Variants in ANKS6 observed in about 807,000 individuals in gnomAD.
The protein encoded by ANKS6 is ankyrin repeat and sterile alpha motif domain containing 6.
A neutral mutation model predicts 77.9 loss-of-function variants in ANKS6; 47 were observed. That is an observed-to-expected ratio of 0.60 (90% confidence interval 0.48 to 0.77). The LOEUF is 0.77. ANKS6 is among the 30% of genes least tolerant of loss of function. The pLI is 0.00. For missense variants in ANKS6, 1,150 were observed against 1,159.1 expected (o/e 0.99, Z 0.11); for synonymous variants, 488 against 501.7 (o/e 0.97, Z 0.37).
chr9:98,761,883 A>G (rs369313792), intron 11 of ANKS6, among the ~76,000 whole-genome samples: 1 of 152,152 alleles, frequency 6.6e-6, no homozygotes, highest in Non-Finnish European at 1.5e-5. Context: ...TGACTATTAT[A>G]ATTTTTTGTA....
At chr9:98,782,742 C>T (rs930960428) in intron 4 of ANKS6, among the ~76,000 whole-genome samples, 169 bp from the exon 5 acceptor site, 2 of 152,076 alleles carry the variant, frequency 1.3e-5, no homozygotes, top group East Asian at 1.9e-4. Context: ...GCAGGTCAAG[C>T]GGGAACATGA....
intron 10 of ANKS6, among the ~76,000 whole-genome samples, chr9:98,770,595 A>G (rs1833564601): frequency 6.6e-6 from 1 of 152,132 alleles, no homozygotes; most frequent in African/African-American, 2.4e-5. Flanking sequence ...TCTAACCTTC[A>G]GAGATTTTAA....
Position 98,770,985 on chromosome 9 carries a change from G to A in ANKS6, c.1883C>T (p.Ser628Phe), listed in dbSNP as rs554990244. ...ATGAGGCGAGTGGTTGAAGTTTCCA[G>A]AATTGGCAGAAGAGGCTGGGCTTCT... is the stretch of plus-strand genomic sequence containing the variant. The part of the protein sequence containing the change: ...LPRSPASSAN[S>F]GNFNHSPHSS... Residue 628 changes from serine (S) to phenylalanine (F), a missense_variant, in exon 10 of 15, where the codon TCT becomes TTT. By Grantham distance (155) the Ser-to-Phe change is radical. Transcript: ENST00000353234. The A allele has an allele frequency of 1.2e-4, 187 of 1,597,830 alleles. 1 individual carries two copies. The South Asian group carries it at 2.0e-3, about 17-fold the overall frequency.
At position 98,756,526 on chromosome 9, in the gene ANKS6, G is replaced by A. The variant is rs767138587; in HGVS notation, c.2220C>T (p.Ser740=). Residue 740 remains serine, a synonymous_variant, in exon 12 of 15, where the codon TCC becomes TCT. Coordinates refer to ENST00000353234, the MANE Select transcript of ANKS6 (RefSeq NM_173551.5). ...SKSTSPTLTP[S]PSPKGHTAES... Reference sequence around the variant, plus strand: ...CTGCAGTGTGCCCTTTGGGTGAGGGGGAGGGCGTGAGGGTTGGAGAGGTGC... The same window carrying A: ...CTGCAGTGTGCCCTTTGGGTGAGGGAGAGGGCGTGAGGGTTGGAGAGGTGC... 126 of 1,606,660 alleles carry A rather than the reference G, an allele frequency of 7.8e-5. No individual in the cohort carries two copies. The highest frequency in any genetic ancestry group is 1.0e-4 in the Non-Finnish European group (121 of 1,177,086).
At chr9:98,762,700 A>C (rs1833081519) in intron 11 of ANKS6, among the ~76,000 whole-genome samples, 1 of 152,132 alleles carries the variant, frequency 6.6e-6, no homozygotes, top group African/African-American at 2.4e-5. Flanking sequence ...TATAATGGTG[A>C]ACCAGATTTG....
At position 98,768,204 on chromosome 9, in the gene ANKS6, T is replaced by C; in HGVS notation, c.2019A>G (p.Lys673=). The change falls in exon 11 of 15, where the codon AAA becomes AAG. Residue 673 remains lysine (K), a synonymous_variant. Coordinates refer to ENST00000353234, the MANE Select transcript of ANKS6 (RefSeq NM_173551.5). ...NVLSQIAAQR[K]KAAGLLEQKP... The stretch of plus-strand genomic sequence containing the variant: ...TCTGCTCCAATAATCCGGCTGCTTT[T>C]TTCCTCTGGGCAGCGATTTGGGACA... The C allele has an allele frequency of 1.2e-6, 2 of 1,614,164 alleles. No individual in the cohort carries two copies. Among genetic ancestry groups the C allele is most frequent in the Non-Finnish European group, 1.7e-6 (2 of 1,180,032 alleles).
chr9:98,790,143 C>A lies in ANKS6; in HGVS notation c.823G>T (p.Asp275Tyr), dbSNP rs940231102. The A allele has an allele frequency of 1.3e-6, 2 of 1,583,270 alleles. No homozygotes were observed. Among genetic ancestry groups the A allele is most frequent in the Non-Finnish European group, 1.7e-6 (2 of 1,157,224 alleles). Residue 275 changes from aspartate to tyrosine, a missense_variant, in exon 2 of 15, where the codon GAC (aspartate) becomes TAC (tyrosine). Transcript: ENST00000353234. ...ACGGTGGTCAGCGGGTCCAGGTAGT[C>A]TACAAGGTCCCTGTGCTTGCAGTCC... ...ALDCKHRDLV[D>Y]YLDPLTTVRP...
chr9:98,771,740 C>T (rs1320308083), intron 9 of ANKS6, among the ~76,000 whole-genome samples: 1 of 152,116 alleles, frequency 6.6e-6, no homozygotes, highest in Non-Finnish European at 1.5e-5. Context: ...CGGCTCCTCC[C>T]GGTCCTTGGC....
In ANKS6 at chr9:98,773,942, TG is replaced by T. The variant is rs1833776717; in HGVS notation, c.1755del (p.Met586Ter). 6.2e-7 allele frequency: 1 copy of T among 1,600,978 alleles called. No individual in the cohort carries two copies. Among genetic ancestry groups the T allele is most frequent in the African/African-American group, 1.3e-5 (1 of 74,330 alleles). ...SRTRHNGKAD[P>X]MKTALPQRAS... ...GCTCTCTGGGGCAGCGCAGTCTTCA[TG>T]GGGTCTGCCTTCCCGTTGTGACGCG... On this transcript the variant is annotated frameshift_variant, in exon 9 of 15. Transcript: ENST00000353234. LOFTEE classifies it high-confidence loss of function.
chr9:98,761,227 G>C (rs1278517799), intron 11 of ANKS6, among the ~76,000 whole-genome samples: 1 of 152,028 alleles, frequency 6.6e-6, no homozygotes, highest in East Asian at 1.9e-4. Flanking sequence ...TTACATTTAT[G>C]TTTTATTATT....
rs776624492 is a variant in ANKS6, at chr9:98,770,964, G to A, written c.1904C>T (p.Pro635Leu). ...SANSGNFNHS[P>L]HSSGGSSGVG... is the part of the protein sequence containing the mutation. Reference sequence around the variant, plus strand: ...CCCACTGGAGCCGCCCGATGAATGAGGCGAGTGGTTGAAGTTTCCAGAATT... The same window carrying A: ...CCCACTGGAGCCGCCCGATGAATGAAGCGAGTGGTTGAAGTTTCCAGAATT... Residue 635 changes from proline (P) to leucine (L), a missense_variant, in exon 10 of 15, where the codon CCT (proline) becomes CTT (leucine). Transcript: ENST00000353234. 1.3e-6 allele frequency: 2 copies of A among 1,598,588 alleles called. No individual in the cohort carries two copies. Among genetic ancestry groups the A allele is most frequent in the Admixed American group, 1.7e-5 (1 of 57,866 alleles).
intron 13 of ANKS6, among the ~76,000 whole-genome samples, chr9:98,750,329 A>C (rs1832360253): frequency 6.6e-6 from 1 of 152,230 alleles, no homozygotes; most frequent in South Asian, 2.1e-4. Flanking sequence ...GTTCAGGTTC[A>C]TCCACGTTGC....
Position 98,733,743 on chromosome 9 carries a change from T to C in ANKS6, c.*2776A>G, listed in dbSNP as rs548548531. On this transcript the variant is annotated 3_prime_UTR_variant, in exon 15 of 15. Transcript: ENST00000353234. Reference sequence around the variant, plus strand: ...GGCATGCTGAAGGTTGTGAGAGGCCTGTAGCAAAGATGATCGTGTAGCTCG... The same window carrying C: ...GGCATGCTGAAGGTTGTGAGAGGCCCGTAGCAAAGATGATCGTGTAGCTCG... 2 of 985,518 alleles carry C rather than the reference T, an allele frequency of 2.0e-6. No individual in the cohort carries two copies. Among genetic ancestry groups the C allele is most frequent in the East Asian group, 1.1e-4 (1 of 8,810 alleles). The allele number at this position is 985,518 out of a possible 1,614,324, so 61.0% of individuals were successfully genotyped here.
chr9:98,763,376 C>T (rs530434891), intron 11 of ANKS6, among the ~76,000 whole-genome samples: 1 of 152,030 alleles, frequency 6.6e-6, no homozygotes, highest in East Asian at 1.9e-4. Flanking sequence ...ATAAACAATA[C>T]ATTTCTAAAT....
intron 14 of ANKS6, 56 bp downstream of exon 14, chr9:98,745,503 C>G: frequency 6.6e-7 from 1 of 1,518,002 alleles, no homozygotes. Flanking sequence ...TCCCAGGACC[C>G]TGGTGAAGCT....
In ANKS6 at chr9:98,796,269, C is replaced by T; in HGVS notation, c.223G>A (p.Asp75Asn). Residue 75 changes from aspartate to asparagine, a missense_variant, in exon 1 of 15, where the codon GAC (aspartate) becomes AAC (asparagine). Physicochemically the swap from Asp to Asn is conservative, Grantham distance 23. Coordinates refer to ENST00000353234, the MANE Select transcript of ANKS6 (RefSeq NM_173551.5). ...VGAPVPVDCS[D>N]EAGNTALQFA... Reference sequence around the variant, plus strand: ...TGCAGTGCGGTGTTGCCCGCCTCGTCCGAGCAATCCACGGGCACCGGAGCC... The same window carrying T: ...TGCAGTGCGGTGTTGCCCGCCTCGTTCGAGCAATCCACGGGCACCGGAGCC... 1.5e-6 allele frequency: 2 copies of T among 1,347,874 alleles called. No individual in the cohort carries two copies. The highest frequency in any genetic ancestry group is 1.9e-6 in the Non-Finnish European group (2 of 1,044,030). The allele number at this position is 1,347,874 out of a possible 1,614,324, so 83.5% of individuals were successfully genotyped here. A position where few individuals can be genotyped will look rare whatever the true frequency, so the allele number is the denominator to read the frequency against.
intron 13 of ANKS6, 92 bp downstream of exon 13, chr9:98,750,937 A>G: frequency 1.0e-6 from 1 of 984,542 alleles, no homozygotes; most frequent in Non-Finnish European, 1.6e-6. Flanking sequence ...GCAAGAGATC[A>G]ATCTAGGCTT....
chr9:98,777,557 G>T, intron 7 of ANKS6, 103 bp from the exon 8 acceptor site: 1 of 988,956 alleles, frequency 1.0e-6, no homozygotes, highest in Non-Finnish European at 1.6e-6. Context: ...AACTCTCCTG[G>T]GTGCTTAAAT....
chr9:98,784,057 C>T lies in ANKS6; in HGVS notation c.1008G>A (p.Thr336=), dbSNP rs373872443. ...GATPLMLAAV[T]GQLALVQLLV... ...GCAGCTGCACCAGAGCCAGCTGCCC[C>T]GTAACAGCTGCTAGCATCAGTGGCG... Residue 336 remains threonine, a synonymous_variant, in exon 4 of 15, where the codon ACG becomes ACA. Coordinates refer to ENST00000353234, the MANE Select transcript of ANKS6 (RefSeq NM_173551.5). The T allele has an allele frequency of 6.8e-4, 1,095 of 1,611,234 alleles. 4 individuals are homozygous for T. The highest frequency in any genetic ancestry group is 1.6e-3 in the African/African-American group (118 of 74,966).
Sources: allele counts gnomAD v4.1 joint callset (sites outside exome capture counted in the v4.1 genomes callset), GRCh38; gene constraint gnomAD v4.1.1; transcripts MANE v1.5; gene names NCBI Gene and HGNC (gene_info 2026-07-23, HGNC 2026-07-21).